The following LDLRAD3 variants were observed in gnomAD, a reference collection of about 807,000 sequenced individuals.
LDLRAD3 encodes the protein low density lipoprotein receptor class A domain containing 3, also known as low-density lipoprotein receptor class A domain-containing protein 3.
LDLRAD3 carries 20 observed loss-of-function variants against 29.4 expected under a neutral mutation model. The ratio of observed to expected loss-of-function variants is 0.68; its 90% CI spans 0.48 to 0.99. LDLRAD3 has a LOEUF of 0.99. Ranked by LOEUF, LDLRAD3 falls within the 50% of genes least tolerant of loss-of-function variation. The pLI is 0.00. For missense variants in LDLRAD3, 420 were observed against 454.3 expected (o/e 0.92, Z 0.69); for synonymous variants, 157 against 192.7 (o/e 0.81, Z 1.53).
intron 4 of LDLRAD3, among the ~76,000 whole-genome samples, chr11:36,177,734 G>C (rs1374723825): frequency 2.0e-5 from 3 of 152,216 alleles, no homozygotes; most frequent in Non-Finnish European, 2.9e-5. Context: ...GGTAGCAGGG[G>C]AGTGAAGTGG....
chr11:36,174,667 A>G (rs1854645656), intron 4 of LDLRAD3, among the ~76,000 whole-genome samples: 1 of 152,194 alleles, frequency 6.6e-6, no homozygotes, highest in South Asian at 2.1e-4. Flanking sequence ...ACAATGAGAT[A>G]CCATCTCACA....
intron 2 of LDLRAD3, among the ~76,000 whole-genome samples, chr11:36,076,141 A>G (rs533780559): frequency 5.7e-4 from 86 of 152,192 alleles, no homozygotes; most frequent in Non-Finnish European, 1.1e-3. Flanking sequence ...CTCTCAGCAG[A>G]CAGAGCTAGG....
intron 2 of LDLRAD3, among the ~76,000 whole-genome samples, chr11:36,062,517 A>C (rs900271552): frequency 6.6e-6 from 1 of 152,142 alleles, no homozygotes; most frequent in African/African-American, 2.4e-5. Flanking sequence ...GTCAGTCTCA[A>C]ATCCATCTCC....
At chr11:36,211,680 A>C (rs1270464835) in intron 4 of LDLRAD3, among the ~76,000 whole-genome samples, 2 of 152,156 alleles carry the variant, frequency 1.3e-5, no homozygotes, top group African/African-American at 4.8e-5. Context: ...CTGGCCCAGG[A>C]TTGTAATTGC....
intron 2 of LDLRAD3, among the ~76,000 whole-genome samples, chr11:36,041,552 A>G (rs1852381831): frequency 6.6e-6 from 1 of 152,234 alleles, no homozygotes; most frequent in East Asian, 1.9e-4. Context: ...GAATATTTAC[A>G]TGGCCGTTAG....
chr11:36,185,766 C>T (rs914967840), intron 4 of LDLRAD3, among the ~76,000 whole-genome samples: 1 of 152,228 alleles, frequency 6.6e-6, no homozygotes, highest in Non-Finnish European at 1.5e-5. Context: ...TTCTTCTCTA[C>T]TGGTGAAGTC....
chr11:36,083,222 T>G (rs1853142693), intron 3 of LDLRAD3, among the ~76,000 whole-genome samples: 1 of 152,236 alleles, frequency 6.6e-6, no homozygotes, highest in Non-Finnish European at 1.5e-5. Flanking sequence ...GAACATTCTA[T>G]GGATCTTGAT....
chr11:36,178,520 C>G (rs894534325), intron 4 of LDLRAD3, among the ~76,000 whole-genome samples: 1 of 152,230 alleles, frequency 6.6e-6, no homozygotes, highest in African/African-American at 2.4e-5. Flanking sequence ...TCCAAATGCC[C>G]CTTTTGAGTA....
chr11:36,225,717 A>C (rs1185706547), intron 4 of LDLRAD3, among the ~76,000 whole-genome samples: 1 of 152,096 alleles, frequency 6.6e-6, no homozygotes, highest in African/African-American at 2.4e-5. Context: ...TCTTAAAAAA[A>C]AAAGGAGAAT....
At chr11:36,102,740 A>G (rs1379334134) in intron 4 of LDLRAD3, among the ~76,000 whole-genome samples, 1 of 152,180 alleles carries the variant, frequency 6.6e-6, no homozygotes, top group Non-Finnish European at 1.5e-5. Flanking sequence ...ATAGCTGTGG[A>G]GCAGGCTTTC....
At chr11:35,994,336 C>CAAAA (rs36041385) in intron 1 of LDLRAD3, among the ~76,000 whole-genome samples, 2 of 49,034 alleles carry the variant, frequency 4.1e-5, no homozygotes, top group Non-Finnish European at 7.7e-5. Flanking sequence ...GACTTTGTCT[C>CAAAA]AAAAAAAAAA....
chr11:36,037,875 G>T (rs2133211616), intron 2 of LDLRAD3, among the ~76,000 whole-genome samples: 1 of 152,240 alleles, frequency 6.6e-6, no homozygotes, highest in South Asian at 2.1e-4. Context: ...TTTCTGAATT[G>T]ATCACTATAC....
rs192721274 is a variant in LDLRAD3 at position 35,954,237 on chromosome 11, T to C, written c.46+10093T>C. ...ATAAGCATACCAGAACAGTCAGAGA[T>C]GGTACAAAATATGAATGTATATATA... On this transcript the variant is annotated intron_variant, in intron 1 of 5. Coordinates refer to ENST00000315571, the MANE Select transcript of LDLRAD3 (RefSeq NM_174902.4). 1.4e-3 allele frequency among the ~76,000 whole-genome samples: 211 copies of C among 152,252 alleles called. 4 individuals carry two copies. The highest frequency in any genetic ancestry group is 5.0e-3 in the African/African-American group (207 of 41,530).
intron 4 of LDLRAD3, among the ~76,000 whole-genome samples, chr11:36,129,927 T>C (rs183640526): frequency 2.0e-4 from 30 of 152,360 alleles, no homozygotes; most frequent in African/African-American, 5.5e-4. Context: ...TCTTGTTGTT[T>C]GCTAGTCTCC....
chr11:36,054,251 CG>C (rs1325441064), intron 2 of LDLRAD3, among the ~76,000 whole-genome samples: 1 of 152,134 alleles, frequency 6.6e-6, no homozygotes, highest in Admixed American at 6.5e-5. Context: ...TCCCACCAAC[CG>C]GCAATCCTTT....
intron 1 of LDLRAD3, among the ~76,000 whole-genome samples, chr11:36,016,318 C>T (rs1047993556): frequency 6.6e-6 from 1 of 152,176 alleles, no homozygotes; most frequent in Non-Finnish European, 1.5e-5. Context: ...ATTCCTTGTT[C>T]AGTTTTTCTT....
chr11:36,210,496 A>T (rs973817712), intron 4 of LDLRAD3, among the ~76,000 whole-genome samples: 13 of 152,238 alleles, frequency 8.5e-5, no homozygotes, highest in South Asian at 2.1e-4. Flanking sequence ...TATAGAATTG[A>T]ATGAGTAACT....
chr11:36,126,143 C>T (rs1208955113), intron 4 of LDLRAD3, among the ~76,000 whole-genome samples: 1 of 152,136 alleles, frequency 6.6e-6, no homozygotes, highest in Admixed American at 6.5e-5. Flanking sequence ...TGGCAGGATC[C>T]CGCAGGAAGC....
chr11:36,139,173 T>A (rs1164859322), intron 4 of LDLRAD3, among the ~76,000 whole-genome samples: 3 of 152,184 alleles, frequency 2.0e-5, no homozygotes, highest in African/African-American at 7.2e-5. Context: ...TTAGCCAGCA[T>A]CTCTGAGGTC....
Sources: allele counts gnomAD v4.1 joint callset (sites outside exome capture counted in the v4.1 genomes callset), GRCh38; gene constraint gnomAD v4.1.1; transcripts MANE v1.5; gene names NCBI Gene and HGNC (gene_info 2026-07-23, HGNC 2026-07-21).